MED13L: variants seen among roughly 807,000 people sequenced by gnomAD.
MED13L encodes mediator of RNA polymerase II transcription subunit 13-like.
MED13L carries 7 observed loss-of-function variants against 220.9 expected under a neutral mutation model. The observed-to-expected ratio is 0.03, with a 90% CI of 0.02 to 0.06. The LOEUF (loss-of-function observed/expected upper bound fraction) is 0.06. MED13L is among the 10% of genes least tolerant of loss of function. The pLI is 1.00. For missense variants in MED13L, 1,965 were observed against 2,760.5 expected, an observed-to-expected ratio of 0.71 and a Z score of 6.46; for synonymous variants, 1,011 against 1,015.2, an observed-to-expected ratio of 1.00 and a Z score of 0.08.
At chr12:116,112,368 C>CA (rs1249155913) in intron 2 of MED13L, among the ~76,000 whole-genome samples, 1 of 152,158 alleles carries the variant, frequency 6.6e-6, no homozygotes, top group Non-Finnish European at 1.5e-5. Flanking sequence ...CAAAAGCACT[C>CA]AGAGGAGAAA....
chr12:116,153,127 T>C (rs971532312), intron 2 of MED13L, among the ~76,000 whole-genome samples: 1 of 152,122 alleles, frequency 6.6e-6, no homozygotes, highest in African/African-American at 2.4e-5. Context: ...GTAACATAAT[T>C]AGGGCAATGA....
At position 115,983,324 on chromosome 12, in the gene MED13L, G is replaced by C. The variant is rs1181249892; in HGVS notation, c.4748C>G (p.Ser1583Cys). The C allele has an allele frequency of 1.9e-6, 3 of 1,614,080 alleles. No individual in the cohort carries two copies. The highest frequency in any genetic ancestry group is 3.3e-5 in the Admixed American group (2 of 60,014). The stretch of plus-strand genomic sequence containing the variant: ...GGCAGACGATGAGACCGGTGGCACA[G>C]AGGAACCAGATGCAGAACTACTTGC... ...PAASSSASGS[S>C]VPPVSSSASA... The change falls in exon 21 of 31, where the codon TCT (serine) becomes TGT (cysteine). Residue 1583 changes from serine (S) to cysteine (C), a missense_variant. This residue lies in a region of MED13L where 510 missense variants were observed against 620.4 expected (regional missense o/e 0.82). Transcript: ENST00000281928.
chr12:116,042,081 A>G (rs1881566892), intron 4 of MED13L, among the ~76,000 whole-genome samples: 1 of 152,226 alleles, frequency 6.6e-6, no homozygotes, highest in African/African-American at 2.4e-5. Flanking sequence ...GCCCTCCTCC[A>G]ATAGTGGTAA....
intron 23 of MED13L, among the ~76,000 whole-genome samples, chr12:115,979,133 T>A (rs1385157234): frequency 6.6e-6 from 1 of 152,236 alleles, no homozygotes; most frequent in Non-Finnish European, 1.5e-5. Context: ...TTAAAATGTA[T>A]AAACTTCAGC....
chr12:115,965,913 A>C (rs904490823), intron 29 of MED13L, among the ~76,000 whole-genome samples, 169 bp downstream of exon 29: 31 of 152,100 alleles, frequency 2.0e-4, no homozygotes, highest in Admixed American at 1.7e-3. Flanking sequence ...CCTAAATTCT[A>C]CTCTCCACCT....
intron 3 of MED13L, among the ~76,000 whole-genome samples, chr12:116,105,719 T>C (rs1469526228): frequency 6.6e-6 from 1 of 152,178 alleles, no homozygotes; most frequent in Non-Finnish European, 1.5e-5. Flanking sequence ...GATAACTCAA[T>C]TAATAGGTAT....
At chr12:116,106,418 C>T (rs75341576) in intron 3 of MED13L, among the ~76,000 whole-genome samples, 2,862 of 152,080 alleles carry the variant, frequency 0.019, 84 homozygotes, top group African/African-American at 0.063. Flanking sequence ...ACAGAGTTAA[C>T]GAAGAAATGA....
chr12:116,140,244 T>C (rs1211212925), intron 2 of MED13L, among the ~76,000 whole-genome samples: 4 of 152,192 alleles, frequency 2.6e-5, no homozygotes, highest in Admixed American at 1.3e-4. Flanking sequence ...TGCGTGATTA[T>C]TGTCTACCTC....
chr12:116,058,367 A>G (rs554847839), intron 4 of MED13L, among the ~76,000 whole-genome samples: 21 of 152,290 alleles, frequency 1.4e-4, no homozygotes, highest in Non-Finnish European at 2.5e-4. Flanking sequence ...TCAACTTCAA[A>G]AACTCAAAAA....
chr12:116,003,350 C>T (rs1878863514), intron 13 of MED13L, among the ~76,000 whole-genome samples: 1 of 152,100 alleles, frequency 6.6e-6, no homozygotes, highest in South Asian at 2.1e-4. Context: ...AGCTTGCAGA[C>T]CTTAAGCAAT....
At chr12:116,174,168 A>AT (rs1879882141) in intron 2 of MED13L, among the ~76,000 whole-genome samples, 1 of 152,180 alleles carries the variant, frequency 6.6e-6, no homozygotes, top group African/African-American at 2.4e-5. Flanking sequence ...AGTACTACAC[A>AT]TTTTAAAAGG....
chr12:116,257,746 CTT>C (rs1463309771), intron 1 of MED13L, among the ~76,000 whole-genome samples: 1 of 152,082 alleles, frequency 6.6e-6, no homozygotes, highest in African/African-American at 2.4e-5. Context: ...AACTGAAAGA[CTT>C]TTATCGAGGT....
chr12:116,247,067 C>G (rs983478478), intron 1 of MED13L, among the ~76,000 whole-genome samples: 12 of 151,980 alleles, frequency 7.9e-5, no homozygotes, highest in African/African-American at 2.9e-4. Flanking sequence ...GTAACTATGA[C>G]CTCAGTATTT....
At chr12:116,079,834 A>G (rs1026017121) in intron 4 of MED13L, among the ~76,000 whole-genome samples, 2 of 152,100 alleles carry the variant, frequency 1.3e-5, no homozygotes, top group South Asian at 4.1e-4. Flanking sequence ...ATAAATATTG[A>G]TAAGAATCCA....
intron 2 of MED13L, among the ~76,000 whole-genome samples, chr12:116,235,705 C>T (rs1252357128): frequency 6.6e-6 from 1 of 152,150 alleles, no homozygotes; most frequent in Non-Finnish European, 1.5e-5. Context: ...AACTCAGTAA[C>T]AAAGCCCATG....
chr12:116,145,361 G>A (rs1250548112), intron 2 of MED13L, among the ~76,000 whole-genome samples: 3 of 152,138 alleles, frequency 2.0e-5, no homozygotes, highest in South Asian at 4.1e-4. Context: ...TTCTGGAACC[G>A]AGCCCAGGGG....
intron 8 of MED13L, 140 bp downstream of exon 8, chr12:116,014,969 A>G (rs1008265935): frequency 2.4e-6 from 2 of 816,748 alleles, no homozygotes; most frequent in Non-Finnish European, 2.1e-6. Flanking sequence ...ATTTTATTCT[A>G]TTAAATTCAA....
chr12:116,188,980 G>A (rs1881088071), intron 2 of MED13L, among the ~76,000 whole-genome samples: 1 of 152,150 alleles, frequency 6.6e-6, no homozygotes, highest in Admixed American at 6.5e-5. Context: ...GACCTGGGCT[G>A]TTTCCAGTTT....
intron 4 of MED13L, among the ~76,000 whole-genome samples, chr12:116,066,385 C>T (rs1313075676): frequency 1.3e-5 from 2 of 152,154 alleles, no homozygotes; most frequent in Non-Finnish European, 2.9e-5. Context: ...TACAGGTAAA[C>T]AGCAAGAATG....
Sources: gnomAD v4.1 joint callset for allele counts (sites outside exome capture counted in the v4.1 genomes callset) on GRCh38, gnomAD v4.1.1 for gene constraint, gnomAD v4.1.1 regional missense constraint, MANE v1.5 for transcripts, NCBI Gene and HGNC (gene_info 2026-07-23, HGNC 2026-07-21) for gene names.